The following IL1RAPL1 variants were observed in gnomAD, a reference collection of about 807,000 sequenced individuals.
IL1RAPL1 encodes the protein interleukin 1 receptor accessory protein like 1, also known as interleukin-1 receptor accessory protein-like 1.
A neutral mutation model predicts 48.4 loss-of-function variants in IL1RAPL1; 3 were observed. The ratio of observed to expected loss-of-function variants is 0.06; its 90% CI spans 0.03 to 0.16. The LOEUF (loss-of-function observed/expected upper bound fraction) is 0.16. Ranked by LOEUF, IL1RAPL1 falls within the 10% of genes least tolerant of loss-of-function variation. The probability of loss-of-function intolerance (pLI) is 1.00; values close to 1 mark genes in which losing one functional copy is unlikely to be tolerated. For missense variants in IL1RAPL1, 349 were observed against 530.6 expected (o/e 0.66, Z 3.36); for synonymous variants, 185 against 187.7 (o/e 0.99, Z 0.12).
chrX:29,591,612 G>T (rs1421471871), intron 5 of IL1RAPL1, among the ~76,000 whole-genome samples: 1 of 112,251 alleles, frequency 8.9e-6, no homozygotes, highest in Admixed American at 9.4e-5. Flanking sequence ...AGCAGGATGT[G>T]GTTCTCACAG....
At chrX:29,548,482 T>A (rs944701169) in intron 5 of IL1RAPL1, among the ~76,000 whole-genome samples, 2 of 112,410 alleles carry the variant, frequency 1.8e-5, no homozygotes, top group Admixed American at 9.4e-5. Flanking sequence ...TATGTTAAAA[T>A]AGCTTTTCGG....
chrX:29,802,866 T>C (rs1252170307), intron 6 of IL1RAPL1, among the ~76,000 whole-genome samples: 3 of 91,880 alleles, frequency 3.3e-5, no homozygotes, highest in African/African-American at 8.1e-5. Flanking sequence ...TACGTGTACA[T>C]ATGTATACAT....
At chrX:29,190,934 C>T (rs183350724) in intron 2 of IL1RAPL1, among the ~76,000 whole-genome samples, 2 of 111,239 alleles carry the variant, frequency 1.8e-5, no homozygotes, top group East Asian at 2.8e-4. Context: ...GTGAATAATA[C>T]GAGAAAATCA....
chrX:28,645,356 A>C (rs1227682135), intron 1 of IL1RAPL1, among the ~76,000 whole-genome samples: 2 of 106,170 alleles, frequency 1.9e-5, no homozygotes, highest in Non-Finnish European at 3.9e-5. Context: ...TCAAAAAAAA[A>C]AAAAAAAAAA....
intron 2 of IL1RAPL1, among the ~76,000 whole-genome samples, chrX:28,865,553 T>C (rs1457065417): frequency 8.9e-6 from 1 of 112,024 alleles, no homozygotes; most frequent in African/African-American, 3.2e-5. Context: ...CTAGAGTTCA[T>C]GGAAGAGATC....
chrX:28,640,322 C>T (rs909200690), intron 1 of IL1RAPL1, among the ~76,000 whole-genome samples: 1 of 110,520 alleles, frequency 9.0e-6, no homozygotes, highest in Non-Finnish European at 1.9e-5. Flanking sequence ...TATATAGTTT[C>T]CTATGGTCTG....
intron 2 of IL1RAPL1, among the ~76,000 whole-genome samples, chrX:29,168,335 A>AGG (rs1929828079): frequency 9.4e-6 from 1 of 106,867 alleles, no homozygotes; most frequent in Non-Finnish European, 1.9e-5. Context: ...ACCTTTCCCA[A>AGG]GAACCCCCTC....
chrX:29,440,237 G>A (rs1569311727), intron 5 of IL1RAPL1, among the ~76,000 whole-genome samples: 1 of 110,179 alleles, frequency 9.1e-6, no homozygotes, highest in Admixed American at 9.7e-5. Flanking sequence ...AGAACCCTGG[G>A]GACAGAAATT....
chrX:29,163,066 C>T (rs1307246438), intron 2 of IL1RAPL1, among the ~76,000 whole-genome samples: 1 of 105,779 alleles, frequency 9.5e-6, no homozygotes, highest in African/African-American at 3.5e-5. Flanking sequence ...GAGCAAGACT[C>T]CGTCTCAAAA....
chrX:28,779,441 T>C (rs878896902), intron 1 of IL1RAPL1, among the ~76,000 whole-genome samples: 2 of 108,257 alleles, frequency 1.8e-5, no homozygotes, highest in Admixed American at 2.0e-4. Context: ...AGTGTCTTTA[T>C]ATTGTTGTTC....
intron 1 of IL1RAPL1, among the ~76,000 whole-genome samples, chrX:28,768,641 CTT>C (rs1192156448): frequency 9.9e-6 from 1 of 100,982 alleles, no homozygotes; most frequent in African/African-American, 3.6e-5. Context: ...TGTAATATTG[CTT>C]TTAGGATAAA....
At chrX:28,775,300 G>T (rs1420598882) in intron 1 of IL1RAPL1, among the ~76,000 whole-genome samples, 1 of 112,132 alleles carries the variant, frequency 8.9e-6, no homozygotes, top group Admixed American at 9.5e-5. Flanking sequence ...GTCTCTAGAG[G>T]TTGATTCTTT....
At chrX:28,923,441 C>T (rs1923665273) in intron 2 of IL1RAPL1, among the ~76,000 whole-genome samples, 1 of 111,182 alleles carries the variant, frequency 9.0e-6, no homozygotes, top group Non-Finnish European at 1.9e-5. Context: ...TCCCAAAGTG[C>T]TGGAATTACA....
intron 3 of IL1RAPL1, among the ~76,000 whole-genome samples, chrX:29,307,492 C>A (rs1932643117): frequency 9.1e-6 from 1 of 110,308 alleles, no homozygotes; most frequent in African/African-American, 3.3e-5. Context: ...TTATGAAAAG[C>A]CATAACAGCA....
intron 3 of IL1RAPL1, among the ~76,000 whole-genome samples, chrX:29,368,692 A>G (rs1230952075): frequency 9.5e-6 from 1 of 105,501 alleles, no homozygotes; most frequent in Admixed American, 1.0e-4. Context: ...GTCTTCCAAC[A>G]TGCTGGAATT....
At chrX:29,933,657 CA>C (rs1217616087) in intron 8 of IL1RAPL1, among the ~76,000 whole-genome samples, 3,374 of 34,018 alleles carry the variant, frequency 0.099, 99 homozygotes, top group African/African-American at 0.19. Context: ...ACAAAATAGA[CA>C]AAAAAAAAAA....
At chrX:29,554,850 T>G (rs1426335019) in intron 5 of IL1RAPL1, among the ~76,000 whole-genome samples, 2 of 112,549 alleles carry the variant, frequency 1.8e-5, no homozygotes, top group Admixed American at 9.4e-5. Context: ...ATGTGTATAC[T>G]CATGTACATA....
At chrX:29,771,302 T>C (rs1392649367) in intron 6 of IL1RAPL1, among the ~76,000 whole-genome samples, 1 of 112,224 alleles carries the variant, frequency 8.9e-6, no homozygotes, top group East Asian at 2.8e-4. Flanking sequence ...CATGTCACTT[T>C]AGATTTAAAA....
intron 3 of IL1RAPL1, among the ~76,000 whole-genome samples, chrX:29,354,164 G>C (rs1364707986): frequency 9.0e-6 from 1 of 110,586 alleles, no homozygotes; most frequent in African/African-American, 3.3e-5. Context: ...TCAGAGAAGT[G>C]AAGTGACTTG....
Sources: gnomAD v4.1 joint callset for allele counts (sites outside exome capture counted in the v4.1 genomes callset) on GRCh38, gnomAD v4.1.1 for gene constraint, MANE v1.5 for transcripts, NCBI Gene and HGNC (gene_info 2026-07-23, HGNC 2026-07-21) for gene names.